The following ABCC4 variants were observed in gnomAD, a reference collection of about 807,000 sequenced individuals.
The protein encoded by ABCC4 is ATP binding cassette subfamily C member 4 (PEL blood group), also known as ATP-binding cassette sub-family C member 4.
In ABCC4, 102 loss-of-function variants were observed where a neutral mutation model predicts 168.5. The observed-to-expected ratio is 0.61, with a 90% CI of 0.52 to 0.71. ABCC4 has a LOEUF of 0.71. ABCC4 is among the 30% of genes least tolerant of loss of function. The pLI is 0.00. For synonymous variants in ABCC4, 617 were observed against 590.7 expected (o/e 1.04, Z -0.65); for missense variants, 1,402 against 1,605.8 (o/e 0.87, Z 2.17).
At chr13:95,044,048 T>A (rs898163735) in intron 28 of ABCC4, among the ~76,000 whole-genome samples, 1 of 152,126 alleles carries the variant, frequency 6.6e-6, no homozygotes, top group African/African-American at 2.4e-5. Context: ...TGGGAGTGGA[T>A]TTTAGGAATC....
At chr13:95,065,877 A>G (rs1213782891) in intron 25 of ABCC4, among the ~76,000 whole-genome samples, 1 of 152,200 alleles carries the variant, frequency 6.6e-6, no homozygotes, top group African/African-American at 2.4e-5. Context: ...GCCCCATCAC[A>G]TCTTGCCAGC....
rs1289341348 is a variant in ABCC4, at chr13:95,206,656, A to G, written c.1037T>C (p.Ile346Thr). 1 of 1,614,056 alleles carries G rather than the reference A, an allele frequency of 6.2e-7. No homozygotes were observed. ...TGCCACGAACACGCGGCTGGCTGTG[A>G]TCACACTGCCGAGGAGCACGTAGGT... is the stretch of plus-strand genomic sequence containing the variant. ...FTTYVLLGSV[I>T]TASRVFVAVT... Residue 346 changes from isoleucine to threonine, a missense_variant, in exon 8 of 31, where the codon ATC (isoleucine) becomes ACC (threonine). This residue lies in a region of ABCC4 where 78 missense variants were observed against 133.0 expected (regional missense o/e 0.59). Coordinates refer to ENST00000645237, the MANE Select transcript of ABCC4 (RefSeq NM_005845.5).
chr13:95,101,738 A>C (rs1338778478), intron 20 of ABCC4, among the ~76,000 whole-genome samples: 2 of 152,206 alleles, frequency 1.3e-5, no homozygotes, highest in African/African-American at 4.8e-5. Context: ...CTGTGGTTCC[A>C]GAAGAGAAAA....
rs537740076 is a variant in ABCC4, at chr13:95,108,408, G to A, written c.2535+7514C>T. Among the ~76,000 whole-genome samples the A allele has an allele frequency of 1.8e-4, 27 of 152,252 alleles. No individual in the cohort carries two copies. In the East Asian group the frequency reaches 2.3e-3, roughly 13 times the overall value. On this transcript the variant is annotated intron_variant, in intron 20 of 30. Coordinates refer to ENST00000645237, the MANE Select transcript of ABCC4 (RefSeq NM_005845.5). The stretch of plus-strand genomic sequence containing the variant: ...TATGTAGCTCCCATAATCCCTACAT[G>A]TTGTGGGAGGGACCCAGGGGGAGGT...
chr13:95,113,666 T>A (rs2035278990), intron 20 of ABCC4, among the ~76,000 whole-genome samples: 1 of 152,138 alleles, frequency 6.6e-6, no homozygotes, highest in East Asian at 1.9e-4. Context: ...ATAAAAATTT[T>A]CACTTCCTAA....
intron 30 of ABCC4, among the ~76,000 whole-genome samples, chr13:95,022,695 C>T (rs938821648): frequency 2.6e-5 from 4 of 152,124 alleles, no homozygotes; most frequent in South Asian, 2.1e-4. Context: ...CTTAGTCATA[C>T]GATTCTGGAT....
chr13:95,113,969 C>T (rs750443351), intron 20 of ABCC4, among the ~76,000 whole-genome samples: 17 of 152,040 alleles, frequency 1.1e-4, no homozygotes, highest in Admixed American at 5.9e-4. Flanking sequence ...TATGGGAAGC[C>T]TTATTAAAGA....
rs1438409765 is a variant in ABCC4, at chr13:95,164,517, G to A, written c.2036C>T (p.Thr679Ile). 3.1e-6 allele frequency: 5 copies of A among 1,613,978 alleles called. No individual in the cohort carries two copies. The South Asian group carries it at 4.4e-5, about 14-fold the overall frequency. Reference sequence around the variant, plus strand: ...TGATAGTGTAACTGGGACATTCTCTGTCTGCAGAGGAAAAAAGGTGGTAAG... The same window carrying A: ...TGATAGTGTAACTGGGACATTCTCTATCTGCAGAGGAAAAAAGGTGGTAAG... ...LKDGALESQD[T>I]ENVPVTLSEE... Residue 679 changes from threonine (T) to isoleucine (I), a missense_variant and splice_region_variant, in exon 16 of 31, where the codon ACA (threonine) becomes ATA (isoleucine). Physicochemically the swap from Thr to Ile is moderately conservative, Grantham distance 89. Coordinates refer to ENST00000645237, the MANE Select transcript of ABCC4 (RefSeq NM_005845.5).
intron 20 of ABCC4, among the ~76,000 whole-genome samples, chr13:95,098,111 G>A (rs1209122361): frequency 6.7e-6 from 1 of 148,326 alleles, no homozygotes; most frequent in Admixed American, 6.7e-5. Flanking sequence ...ACTCCAGCCT[G>A]GGCGACAGAG....
intron 8 of ABCC4, among the ~76,000 whole-genome samples, chr13:95,195,142 T>C (rs2038376487): frequency 6.6e-6 from 1 of 152,200 alleles, no homozygotes; most frequent in Non-Finnish European, 1.5e-5. Context: ...CCATGAACTA[T>C]CTTTGTAATT....
At chr13:95,065,328 G>A (rs1028175820) in intron 25 of ABCC4, among the ~76,000 whole-genome samples, 9 of 152,118 alleles carry the variant, frequency 5.9e-5, no homozygotes, top group East Asian at 1.9e-4. Context: ...AAGTGAATTC[G>A]AAAAATAAAT....
intron 17 of ABCC4, 122 bp from the exon 18 acceptor site, chr13:95,163,338 C>T: frequency 1.4e-6 from 1 of 728,480 alleles, no homozygotes; most frequent in Admixed American, 2.6e-5. Flanking sequence ...TCTCAGCTCA[C>T]TTAGTCTTGT....
At chr13:95,039,254 T>G (rs1472279295) in intron 29 of ABCC4, among the ~76,000 whole-genome samples, 4 of 152,186 alleles carry the variant, frequency 2.6e-5, no homozygotes, top group Non-Finnish European at 5.9e-5. Flanking sequence ...AATGCCCCAA[T>G]GAGTGTCTCC....
chr13:95,091,982 A>G (rs866459714), intron 20 of ABCC4, among the ~76,000 whole-genome samples: 3 of 152,194 alleles, frequency 2.0e-5, no homozygotes, highest in South Asian at 2.1e-4. Context: ...TTTCATGCAA[A>G]TCGACATGAA....
chr13:95,259,720 G>C (rs2040482161), intron 1 of ABCC4, among the ~76,000 whole-genome samples: 1 of 152,226 alleles, frequency 6.6e-6, no homozygotes, highest in African/African-American at 2.4e-5. Context: ...AATGACAGCA[G>C]TCTTTTAGCC....
At chr13:95,025,393 C>CCACA (rs150071934) in intron 30 of ABCC4, among the ~76,000 whole-genome samples, 4 of 4,296 alleles carry the variant, frequency 9.3e-4, no homozygotes, top group South Asian at 0.011. Flanking sequence ...CCTCCCACCC[C>CCACA]CACACACATA....
intron 1 of ABCC4, among the ~76,000 whole-genome samples, chr13:95,297,102 C>G (rs1316717326): frequency 1.3e-5 from 2 of 151,832 alleles, no homozygotes; most frequent in Non-Finnish European, 2.9e-5. Flanking sequence ...GAAACCCTGT[C>G]TCTACTAAAA....
chr13:95,210,780 G>C lies in ABCC4; in HGVS notation c.533C>G (p.Ala178Gly). The C allele has an allele frequency of 6.2e-7, 1 of 1,612,498 alleles. No homozygotes were observed. The highest frequency in any genetic ancestry group is 1.1e-5 in the South Asian group (1 of 90,978). The change falls in exon 5 of 31, where the codon GCA becomes GGA. Residue 178 changes from alanine (A) to glycine (G), a missense_variant and splice_region_variant. Transcript: ENST00000645237. ...VAMCHMIYRK[A>G]LRLSNMAMGK... is the part of the protein sequence containing the mutation. ...CATGGCCATGTTACTAAGACGAAGT[G>C]CCTGAAATAAAAGAGGTAAGTAGAG... is the stretch of plus-strand genomic sequence containing the variant.
chr13:95,178,313 C>A lies in ABCC4; in HGVS notation c.1546-222G>T, dbSNP rs906549331. Among the ~76,000 whole-genome samples, 6 of 152,228 alleles carry A rather than the reference C, an allele frequency of 3.9e-5. 1 individual carries two copies. Among genetic ancestry groups the A allele is most frequent in the African/African-American group, 1.4e-4 (6 of 41,452 alleles). On this transcript the variant is annotated intron_variant, in intron 11 of 30. Coordinates refer to ENST00000645237, the MANE Select transcript of ABCC4 (RefSeq NM_005845.5). The stretch of plus-strand genomic sequence containing the variant: ...CACGTTATCTATTTTAATGCTGTAG[C>A]TTTTCATAGCATTTATGCACTGAGC...
Sources: allele counts gnomAD v4.1 joint callset (sites outside exome capture counted in the v4.1 genomes callset), GRCh38; gene constraint gnomAD v4.1.1; regional missense constraint gnomAD v4.1.1; transcripts MANE v1.5; gene names NCBI Gene and HGNC (gene_info 2026-07-23, HGNC 2026-07-21).